SCFD2: variants seen among roughly 807,000 people sequenced by gnomAD.
SCFD2 encodes sec1 family domain containing 2.
SCFD2 carries 54 observed loss-of-function variants against 58.9 expected under a neutral mutation model. The ratio of observed to expected loss-of-function variants is 0.92; its 90% CI spans 0.74 to 1.15. SCFD2 has a LOEUF of 1.15. Among genes scored for constraint, SCFD2 ranks in the 50% most tolerant of loss-of-function variants. SCFD2 has a pLI of 0.00. For synonymous variants in SCFD2, 321 were observed against 335.9 expected, an observed-to-expected ratio of 0.96 and a Z score of 0.49; for missense variants, 805 against 836.6, an observed-to-expected ratio of 0.96 and a Z score of 0.47.
intron 4 of SCFD2, among the ~76,000 whole-genome samples, chr4:53,228,607 A>G (rs907282294): frequency 1.3e-5 from 2 of 152,130 alleles, no homozygotes; most frequent in Admixed American, 6.6e-5. Flanking sequence ...ATTAGGTATT[A>G]ATGGGACGTA....
intron 5 of SCFD2, among the ~76,000 whole-genome samples, chr4:53,041,426 A>G (rs937689653): frequency 6.6e-6 from 1 of 152,208 alleles, no homozygotes; most frequent in Non-Finnish European, 1.5e-5. Flanking sequence ...TCTAACTACC[A>G]TTCTATTCAA....
rs548341950 is a variant in SCFD2 at position 52,948,796 on chromosome 4, G to A, written c.1562-27926C>T. 128 of 216,032 alleles carry A rather than the reference G, an allele frequency of 5.9e-4. 1 individual carries two copies. In the South Asian group the frequency reaches 7.7e-3, roughly 13 times the overall value. The allele number at this position is 216,032 out of a possible 1,614,324, so 13.4% of individuals were successfully genotyped here. ...ACAGGCTAGATTTAAAACGATGGGC[G>A]GATTGATTATTTTTCTGCATCTATT... On this transcript the variant is annotated intron_variant, in intron 5 of 8. Coordinates refer to ENST00000401642, the MANE Select transcript of SCFD2 (RefSeq NM_152540.4).
chr4:53,256,168 CG>C (rs1232845478), intron 4 of SCFD2, among the ~76,000 whole-genome samples: 1 of 150,618 alleles, frequency 6.6e-6, no homozygotes, highest in Admixed American at 6.6e-5. Context: ...ACTTCTCAGA[CG>C]GGGCGGCTGC....
chr4:52,908,247 T>G (rs1719394546), intron 6 of SCFD2, among the ~76,000 whole-genome samples: 1 of 152,248 alleles, frequency 6.6e-6, no homozygotes, highest in Non-Finnish European at 1.5e-5. Flanking sequence ...CTAAATGCCT[T>G]CCTTTTCTGT....
chr4:53,073,380 A>T (rs895610013), intron 5 of SCFD2, among the ~76,000 whole-genome samples: 5 of 152,144 alleles, frequency 3.3e-5, no homozygotes, highest in Non-Finnish European at 1.5e-5. Flanking sequence ...CAAGGCTTTG[A>T]AACTTTTTCA....
chr4:52,899,526 G>A (rs997606682), intron 7 of SCFD2, among the ~76,000 whole-genome samples: 5 of 152,332 alleles, frequency 3.3e-5, no homozygotes, highest in African/African-American at 1.2e-4. Flanking sequence ...TCTGCTGTTA[G>A]TCTGATGGGC....
intron 5 of SCFD2, among the ~76,000 whole-genome samples, chr4:52,925,577 A>T (rs1192244110): frequency 6.6e-6 from 1 of 152,040 alleles, no homozygotes; most frequent in Non-Finnish European, 1.5e-5. Context: ...GCCTCCTTTG[A>T]ATCTCTGCTC....
At chr4:53,213,009 G>T (rs946323217) in intron 4 of SCFD2, among the ~76,000 whole-genome samples, 11 of 152,094 alleles carry the variant, frequency 7.2e-5, no homozygotes, top group African/African-American at 2.7e-4. Context: ...GAATAAGGCT[G>T]TTCTAGATGT....
intron 3 of SCFD2, among the ~76,000 whole-genome samples, chr4:53,278,823 C>A (rs1174742912): frequency 6.7e-6 from 1 of 148,512 alleles, no homozygotes; most frequent in Admixed American, 6.7e-5. Context: ...ATTTTTTTTT[C>A]CTAAAAATCC....
intron 5 of SCFD2, among the ~76,000 whole-genome samples, chr4:53,117,031 C>CT (rs1417038791): frequency 6.6e-6 from 1 of 152,200 alleles, no homozygotes; most frequent in Non-Finnish European, 1.5e-5. Context: ...TGCATCTTAT[C>CT]TAACAGATCC....
At chr4:53,235,797 G>T (rs1434657084) in intron 4 of SCFD2, among the ~76,000 whole-genome samples, 1 of 152,124 alleles carries the variant, frequency 6.6e-6, no homozygotes, top group African/African-American at 2.4e-5. Context: ...GTGTGCATAC[G>T]TGTGTGCATA....
At chr4:53,028,840 T>A (rs559828582) in intron 5 of SCFD2, among the ~76,000 whole-genome samples, 1 of 152,212 alleles carries the variant, frequency 6.6e-6, no homozygotes, top group Non-Finnish European at 1.5e-5. Context: ...AGTTACTTGA[T>A]GAAATGTTCT....
At chr4:53,030,557 C>T (rs995006409) in intron 5 of SCFD2, among the ~76,000 whole-genome samples, 11 of 151,972 alleles carry the variant, frequency 7.2e-5, no homozygotes, top group African/African-American at 1.5e-4. Flanking sequence ...CGGGTACCTG[C>T]GACTACAGAC....
intron 5 of SCFD2, among the ~76,000 whole-genome samples, chr4:52,958,452 C>T (rs555498645): frequency 9.8e-5 from 15 of 152,304 alleles, no homozygotes; most frequent in African/African-American, 2.6e-4. Context: ...TGTTTTCTGA[C>T]GTTCCTTTCA....
intron 5 of SCFD2, chr4:52,956,338 C>T (rs1391876563): frequency 6.9e-6 from 3 of 437,206 alleles, no homozygotes; most frequent in Non-Finnish European, 1.4e-5. Context: ...GTCAAGGGGA[C>T]TATGTTAGAT....
intron 5 of SCFD2, among the ~76,000 whole-genome samples, chr4:53,114,154 CATGAGGATTAA>C (rs1483110705): frequency 1.3e-5 from 2 of 152,082 alleles, no homozygotes; most frequent in African/African-American, 2.4e-5. Flanking sequence ...ATCGGACTGT[CATGAGGATTAA>C]ATGAGTTAAC....
At chr4:53,054,273 A>C (rs763236437) in intron 5 of SCFD2, among the ~76,000 whole-genome samples, 15 of 152,206 alleles carry the variant, frequency 9.9e-5, no homozygotes, top group Non-Finnish European at 1.6e-4. Context: ...TTTATGACAG[A>C]ATAATATTCC....
Position 53,365,319 on chromosome 4 carries a change from AG to A in SCFD2, c.622del (p.Leu208Ter). On this transcript the variant is annotated frameshift_variant, in exon 1 of 9. Coordinates refer to ENST00000401642, the MANE Select transcript of SCFD2 (RefSeq NM_152540.4). LOFTEE classifies it high-confidence loss of function. This position sits in a 1 kb window ranked among gnomAD's most constrained non-coding sequence, Gnocchi z 4.3. ...GSLGDVDSTTLTPELLLQIRC... is the reference protein window; with the variant it reads ...GSLGDVDSTTXTPELLLQIRC... ...GATCTGCAGCAGCAGCTCTGGGGTT[AG>A]CGTAGTGGAGTCCACATCACCCAGG... 4 of 1,614,184 alleles carry A rather than the reference AG, an allele frequency of 2.5e-6. No homozygotes were observed. The highest frequency in any genetic ancestry group is 2.5e-6 in the Non-Finnish European group (3 of 1,180,034).
intron 7 of SCFD2, among the ~76,000 whole-genome samples, chr4:52,907,028 G>C (rs1436099932): frequency 6.6e-6 from 1 of 152,186 alleles, no homozygotes; most frequent in Non-Finnish European, 1.5e-5. Context: ...TTCCAAGTGG[G>C]TTTTGAGGTG....
Sources: allele counts gnomAD v4.1 joint callset (sites outside exome capture counted in the v4.1 genomes callset), GRCh38; gene constraint gnomAD v4.1.1; non-coding constraint Gnocchi (gnomAD v3.1); transcripts MANE v1.5; gene names NCBI Gene and HGNC (gene_info 2026-07-23, HGNC 2026-07-21).